LDB2: variants seen among roughly 807,000 people sequenced by gnomAD.
The protein encoded by LDB2 is LIM domain-binding protein 2.
LDB2 carries 12 observed loss-of-function variants against 44.3 expected under a neutral mutation model. The observed-to-expected ratio is 0.27, with a 90% CI of 0.17 to 0.44. The LOEUF (loss-of-function observed/expected upper bound fraction) is 0.44. Among genes scored for constraint, LDB2 ranks in the 20% least tolerant of loss-of-function variants. LDB2 has a pLI of 1.00. For missense variants in LDB2, 344 were observed against 473.5 expected, an observed-to-expected ratio of 0.73 and a Z score of 2.54; for synonymous variants, 164 against 174.8, an observed-to-expected ratio of 0.94 and a Z score of 0.49.
At chr4:16,565,637 A>G (rs964405517) in intron 5 of LDB2, among the ~76,000 whole-genome samples, 2 of 152,032 alleles carry the variant, frequency 1.3e-5, no homozygotes, top group African/African-American at 4.8e-5. Context: ...GGTACTAGCC[A>G]ATATAATTAG....
At chr4:16,568,321 G>A (rs1036543267) in intron 5 of LDB2, among the ~76,000 whole-genome samples, 1 of 152,156 alleles carries the variant, frequency 6.6e-6, no homozygotes, top group Non-Finnish European at 1.5e-5. Flanking sequence ...CAGATATCGA[G>A]TAGCTTAAAC....
chr4:16,751,108 AT>A, intron 2 of LDB2, among the ~76,000 whole-genome samples: 1 of 152,268 alleles, frequency 6.6e-6, no homozygotes, highest in Non-Finnish European at 1.5e-5. Flanking sequence ...CATAATGTCC[AT>A]TTTCTGGTTA....
chr4:16,870,959 G>A (rs940162776), intron 1 of LDB2, among the ~76,000 whole-genome samples: 1 of 152,148 alleles, frequency 6.6e-6, no homozygotes, highest in African/African-American at 2.4e-5. Flanking sequence ...AACCCAAAAA[G>A]CCTATCTCTG....
chr4:16,715,716 C>T (rs1312943977), intron 2 of LDB2, among the ~76,000 whole-genome samples: 1 of 152,136 alleles, frequency 6.6e-6, no homozygotes, highest in Non-Finnish European at 1.5e-5. Flanking sequence ...CATACACTCT[C>T]TTTTGCTCTC....
intron 3 of LDB2, among the ~76,000 whole-genome samples, chr4:16,590,479 A>G (rs1718549659): frequency 2.6e-5 from 4 of 152,224 alleles, no homozygotes; most frequent in Non-Finnish European, 1.5e-5. Context: ...ATGTAACACA[A>G]AACACCACCA....
intron 1 of LDB2, among the ~76,000 whole-genome samples, chr4:16,823,094 G>A (rs1782414275): frequency 6.6e-6 from 1 of 152,162 alleles, no homozygotes; most frequent in African/African-American, 2.4e-5. Context: ...CTTGATATAA[G>A]CACAATTTGT....
intron 2 of LDB2, among the ~76,000 whole-genome samples, chr4:16,720,995 G>A (rs1758149740): frequency 6.6e-6 from 1 of 152,118 alleles, no homozygotes; most frequent in South Asian, 2.1e-4. Context: ...ACTTGACAGG[G>A]AAGTTAGAGA....
intron 5 of LDB2, among the ~76,000 whole-genome samples, chr4:16,541,459 C>G (rs892171262): frequency 2.6e-5 from 4 of 152,160 alleles, no homozygotes; most frequent in African/African-American, 9.7e-5. Context: ...GAACCATGAG[C>G]TGATTGGACC....
intron 1 of LDB2, among the ~76,000 whole-genome samples, chr4:16,772,414 A>G (rs1050436292): frequency 2.0e-5 from 3 of 152,220 alleles, no homozygotes; most frequent in African/African-American, 7.2e-5. Context: ...TACCAAAGAC[A>G]AAAGATAAAT....
At chr4:16,550,634 A>G (rs1214100604) in intron 5 of LDB2, among the ~76,000 whole-genome samples, 3 of 152,258 alleles carry the variant, frequency 2.0e-5, no homozygotes, top group Admixed American at 2.0e-4. Context: ...AAGTGTTGAC[A>G]AGAATGGGCA....
At chr4:16,859,896 C>T (rs146329486) in intron 1 of LDB2, among the ~76,000 whole-genome samples, 148 of 152,224 alleles carry the variant, frequency 9.7e-4, no homozygotes, top group Non-Finnish European at 1.6e-3. Context: ...CTATGCAAAA[C>T]GCTTAATGTG....
intron 2 of LDB2, among the ~76,000 whole-genome samples, chr4:16,730,748 T>C (rs1294123111): frequency 6.6e-6 from 1 of 152,126 alleles, no homozygotes; most frequent in East Asian, 1.9e-4. Context: ...AATAGTTTCA[T>C]CTTCTCTCAT....
intron 2 of LDB2, among the ~76,000 whole-genome samples, chr4:16,670,346 T>C (rs1744395443): frequency 6.6e-6 from 1 of 152,222 alleles, no homozygotes. Flanking sequence ...TGAAGACGTC[T>C]CTTTCCTCCT....
chr4:16,848,310 GT>G (rs1476413619), intron 1 of LDB2, among the ~76,000 whole-genome samples: 2 of 152,198 alleles, frequency 1.3e-5, no homozygotes, highest in East Asian at 3.9e-4. Flanking sequence ...AGAAGTCCAT[GT>G]ATATACACTA....
intron 5 of LDB2, among the ~76,000 whole-genome samples, chr4:16,546,252 T>G (rs1735693655): frequency 6.6e-6 from 1 of 152,208 alleles, no homozygotes; most frequent in African/African-American, 2.4e-5. Context: ...TATCAAAAGA[T>G]AGCCATTTTG....
chr4:16,870,389 GA>G (rs1439814429), intron 1 of LDB2, among the ~76,000 whole-genome samples: 1 of 152,166 alleles, frequency 6.6e-6, no homozygotes, highest in African/African-American at 2.4e-5. Flanking sequence ...GTGGTGGCCA[GA>G]AGGGGAAGTG....
intron 1 of LDB2, among the ~76,000 whole-genome samples, chr4:16,848,346 C>A (rs1427822245): frequency 6.6e-6 from 1 of 152,052 alleles, no homozygotes; most frequent in Non-Finnish European, 1.5e-5. Context: ...GCATTTGTAC[C>A]CAAACTAATT....
At chr4:16,747,188 T>C (rs1414068608) in intron 2 of LDB2, among the ~76,000 whole-genome samples, 1 of 152,192 alleles carries the variant, frequency 6.6e-6, no homozygotes, top group Non-Finnish European at 1.5e-5. Flanking sequence ...GGTCTGACAT[T>C]AGTTTAACAA....
At chr4:16,787,166 C>T (rs752770874) in intron 1 of LDB2, among the ~76,000 whole-genome samples, 1 of 152,046 alleles carries the variant, frequency 6.6e-6, no homozygotes, top group Non-Finnish European at 1.5e-5. Flanking sequence ...TTAGGTGTTC[C>T]CTTTTCCACT....
Sources: gnomAD v4.1 joint callset for allele counts (sites outside exome capture counted in the v4.1 genomes callset) on GRCh38, gnomAD v4.1.1 for gene constraint, MANE v1.5 for transcripts, NCBI Gene and HGNC (gene_info 2026-07-23, HGNC 2026-07-21) for gene names.